PIGZ: variants seen among roughly 807,000 people sequenced by gnomAD.
PIGZ encodes phosphatidylinositol glycan anchor biosynthesis class Z (Gwada blood group).
Under a neutral mutation model 16.4 loss-of-function variants are expected in PIGZ, and 16 were observed. The ratio of observed to expected loss-of-function variants is 0.97; its 90% CI spans 0.66 to 1.48. The LOEUF (loss-of-function observed/expected upper bound fraction) is 1.48, where lower values mean the gene tolerates loss of function less well. PIGZ is among the 40% of genes most tolerant of loss of function. The pLI, the probability that PIGZ is intolerant of heterozygous loss-of-function variation, is 0.00. For synonymous variants in PIGZ, 409 were observed against 338.4 expected (o/e 1.21, Z -2.29); for missense variants, 770 against 739.2 (o/e 1.04, Z -0.48).
Position 196,955,874 on chromosome 3 carries a change from C to T in PIGZ, c.1-3843G>A, listed in dbSNP as rs372994513. On this transcript the variant is annotated intron_variant, in intron 1 of 2. Transcript: ENST00000412723. Reference sequence around the variant, plus strand: ...GATTACAGATGTCAGCCACTGCGCCCGGCCAATTTAGGGTTATTATTGATA... The same window carrying T: ...GATTACAGATGTCAGCCACTGCGCCTGGCCAATTTAGGGTTATTATTGATA... 3.6e-4 allele frequency among the ~76,000 whole-genome samples: 55 copies of T among 152,026 alleles called. 1 individual carries two copies. In the East Asian group the frequency reaches 4.1e-3, roughly 11 times the overall value.
chr3:196,947,891 C>A lies in PIGZ; in HGVS notation c.1006G>T (p.Ala336Ser), dbSNP rs1221620245. Residue 336 changes from alanine (A) to serine (S), a missense_variant, in exon 3 of 3, where the codon GCT becomes TCT. Transcript: ENST00000412723. ...CCGACTTGCAGCCGTTGCCACGCAG[C>A]CTGCAGGGCCTGGGCATGCAGCACC... ...FGVLHAQALQAAWQRLQVGLQ... is the reference protein window; with the variant it reads ...FGVLHAQALQSAWQRLQVGLQ... 6.2e-7 allele frequency: 1 copy of A among 1,613,852 alleles called. No individual in the cohort carries two copies. Among genetic ancestry groups the A allele is most frequent in the Non-Finnish European group, 8.5e-7 (1 of 1,179,924 alleles).
In PIGZ at chr3:196,957,601, C is replaced by G. The variant is rs562232630; in HGVS notation, c.1-5570G>C. Among the ~76,000 whole-genome samples, 221 of 152,128 alleles carry G rather than the reference C, an allele frequency of 1.5e-3. 8 individuals carry two copies. The highest frequency in any genetic ancestry group is 3.7e-4 in the Non-Finnish European group (25 of 67,986). On this transcript the variant is annotated intron_variant, in intron 1 of 2. Coordinates refer to ENST00000412723, the MANE Select transcript of PIGZ (RefSeq NM_025163.4). The stretch of plus-strand genomic sequence containing the variant: ...TTCATCATGTTGGCCAGGCTGGTCT[C>G]GAACTCCTGACCTCGTGATCCGCCG...
At position 196,948,938 on chromosome 3, in the gene PIGZ, C is replaced by T. The variant is rs13063006; in HGVS notation, c.212-253G>A. ...CCCTTCCCTTCCTTCCCTTTACTTC[C>T]CTTCCTTCCCCTCCCCTCCCTTCCT... On this transcript the variant is annotated intron_variant, in intron 2 of 2. Coordinates refer to ENST00000412723, the MANE Select transcript of PIGZ (RefSeq NM_025163.4). Among the ~76,000 whole-genome samples, 43 of 10,216 alleles carry T rather than the reference C, an allele frequency of 4.2e-3. 5 individuals are homozygous for T. Among genetic ancestry groups the T allele is most frequent in the African/African-American group, 0.011 (11 of 978 alleles). 6.7% of individuals were successfully genotyped at this position (10,216 alleles called of 152,430 possible). A position where few individuals can be genotyped will look rare whatever the true frequency, so the allele number is the denominator to read the frequency against.
intron 1 of PIGZ, among the ~76,000 whole-genome samples, chr3:196,959,162 A>G (rs2108913108): frequency 6.6e-6 from 1 of 152,310 alleles, no homozygotes; most frequent in East Asian, 1.9e-4. Flanking sequence ...GGCCTTCGAT[A>G]GCATGGCTCT....
intron 1 of PIGZ, among the ~76,000 whole-genome samples, 155 bp downstream of exon 1, chr3:196,968,532 T>G (rs1218092179): frequency 6.6e-6 from 1 of 152,198 alleles, no homozygotes; most frequent in African/African-American, 2.4e-5. Context: ...CCTGCGAGAA[T>G]GCGGGGGGCG....
chr3:196,949,457 T>C (rs1284514017), intron 2 of PIGZ, among the ~76,000 whole-genome samples: 1 of 152,186 alleles, frequency 6.6e-6, no homozygotes, highest in East Asian at 1.9e-4. Context: ...GGGTGGCCTC[T>C]GAAAGCTAAG....
chr3:196,968,237 C>T (rs765749638), intron 1 of PIGZ, among the ~76,000 whole-genome samples: 1 of 152,202 alleles, frequency 6.6e-6, no homozygotes, highest in African/African-American at 2.4e-5. Flanking sequence ...TTCTCGGCTT[C>T]GTGCTCAGAG....
At chr3:196,953,898 C>A (rs565153756) in intron 1 of PIGZ, among the ~76,000 whole-genome samples, 2 of 147,902 alleles carry the variant, frequency 1.4e-5, no homozygotes, top group African/African-American at 2.6e-5. Context: ...GAGGCTGAGA[C>A]AAGAGGATCA....
intron 1 of PIGZ, among the ~76,000 whole-genome samples, chr3:196,957,612 C>T (rs547672497): frequency 6.6e-6 from 1 of 152,258 alleles, no homozygotes; most frequent in Admixed American, 6.5e-5. Context: ...GAACTCCTGA[C>T]CTCGTGATCC....
intron 1 of PIGZ, among the ~76,000 whole-genome samples, chr3:196,967,579 G>C (rs974050973): frequency 6.6e-5 from 10 of 152,138 alleles, no homozygotes; most frequent in Non-Finnish European, 8.8e-5. Flanking sequence ...TCCAGTCCTC[G>C]GGGTCTACTC....
intron 1 of PIGZ, among the ~76,000 whole-genome samples, chr3:196,958,562 C>T (rs1476918742): frequency 2.0e-5 from 3 of 152,168 alleles, no homozygotes; most frequent in African/African-American, 4.8e-5. Context: ...ACCTGGGAGG[C>T]GGAGTTTGCA....
rs529096025 is a variant in PIGZ, at chr3:196,964,506, C to T, written c.-1+4181G>A. Among the ~76,000 whole-genome samples the T allele has an allele frequency of 7.4e-4, 112 of 152,144 alleles. 1 individual carries two copies. The South Asian group carries it at 8.3e-3, about 11-fold the overall frequency. The stretch of plus-strand genomic sequence containing the variant: ...CTAAGTAGCTGGGACTACAGGCACG[C>T]ATCACCACGCCTGGCTAATTTTTGT... On this transcript the variant is annotated intron_variant, in intron 1 of 2. Transcript: ENST00000412723.
In PIGZ at chr3:196,965,478, A is replaced by G. The variant is rs1385720931; in HGVS notation, c.-1+3209T>C. 6.6e-6 allele frequency among the ~76,000 whole-genome samples: 1 copy of G among 152,200 alleles called. No individual in the cohort carries two copies. The highest frequency in any genetic ancestry group is 1.9e-4 in the East Asian group (1 of 5,192). ...AAGATGAGATTGGGGCGGGGACACA[A>G]AAGCCTAACCATGTCATACCATTTG... is the stretch of plus-strand genomic sequence containing the variant. On this transcript the variant is annotated intron_variant, in intron 1 of 2. Coordinates refer to ENST00000412723, the MANE Select transcript of PIGZ (RefSeq NM_025163.4). The surrounding 1 kb of genome is among the most constrained non-coding windows in gnomAD (Gnocchi z 4.2).
Position 196,947,098 on chromosome 3 carries a change from G to A in PIGZ, c.*59C>T, listed in dbSNP as rs1341819251. 4 of 1,465,544 alleles carry A rather than the reference G, an allele frequency of 2.7e-6. No homozygotes were observed. Among genetic ancestry groups the A allele is most frequent in the Admixed American group, 2.3e-5 (1 of 43,866 alleles). 90.8% of individuals were successfully genotyped at this position (1,465,544 alleles called of 1,614,324 possible). On this transcript the variant is annotated 3_prime_UTR_variant, in exon 3 of 3. Coordinates refer to ENST00000412723, the MANE Select transcript of PIGZ (RefSeq NM_025163.4). ...GCGTCCCAGCCCAGCTACCCAAGTAGAAGGTGGGGCGGCATCTTCTATGGC... is the reference window on the plus strand; with the variant it reads ...GCGTCCCAGCCCAGCTACCCAAGTAAAAGGTGGGGCGGCATCTTCTATGGC...
At position 196,951,782 on chromosome 3, in the gene PIGZ, CT is replaced by C. The variant is rs775108274; in HGVS notation, c.211+38del. 3 of 1,605,114 alleles carry C rather than the reference CT, an allele frequency of 1.9e-6. No homozygotes were observed. The African/African-American group carries it at 4.0e-5, about 21-fold the overall frequency. On this transcript the variant is annotated intron_variant, in intron 2 of 2. Coordinates refer to ENST00000412723, the MANE Select transcript of PIGZ (RefSeq NM_025163.4). ...CTCCCGTCAGCTTCTCAAGCAGACT[CT>C]GCTGCAGCTTGTCTCAGCCACACAT...
Position 196,948,481 on chromosome 3 carries a change from G to A in PIGZ, c.416C>T (p.Ala139Val). 3 of 1,613,830 alleles carry A rather than the reference G, an allele frequency of 1.9e-6. No homozygotes were observed. Among genetic ancestry groups the A allele is most frequent in the African/African-American group, 1.3e-5 (1 of 75,052 alleles). The change falls in exon 3 of 3, where the codon GCT becomes GTT. Residue 139 changes from alanine (A) to valine (V), a missense_variant. Coordinates refer to ENST00000412723, the MANE Select transcript of PIGZ (RefSeq NM_025163.4). Reference sequence around the variant, plus strand: ...CAGGTGGTACACGGCCCCGTCCAGAGCAAAGGAAAGGGCAGTGAGGAGGAG... The same window carrying A: ...CAGGTGGTACACGGCCCCGTCCAGAACAAAGGAAAGGGCAGTGAGGAGGAG... ...PRLLLTALSFALDGAVYHLAP... is the reference protein window; with the variant it reads ...PRLLLTALSFVLDGAVYHLAP...
At chr3:196,953,890 G>A (rs1169699832) in intron 1 of PIGZ, among the ~76,000 whole-genome samples, 2 of 151,658 alleles carry the variant, frequency 1.3e-5, no homozygotes, top group Non-Finnish European at 2.9e-5. Flanking sequence ...CTATTCAGGA[G>A]GCTGAGACAA....
chr3:196,966,564 G>A (rs1717933873), intron 1 of PIGZ, among the ~76,000 whole-genome samples: 1 of 152,206 alleles, frequency 6.6e-6, no homozygotes, highest in Admixed American at 6.5e-5. Context: ...GGGCCCACTG[G>A]GGCCCATCTG....
intron 2 of PIGZ, 142 bp downstream of exon 2, chr3:196,951,679 C>T (rs1717287861): frequency 1.3e-6 from 1 of 780,456 alleles, no homozygotes; most frequent in Admixed American, 2.2e-5. Flanking sequence ...AAGTTCTTAC[C>T]CCAGAGAGAG....
Sources: allele counts gnomAD v4.1 joint callset (sites outside exome capture counted in the v4.1 genomes callset), GRCh38; gene constraint gnomAD v4.1.1; non-coding constraint Gnocchi (gnomAD v3.1); transcripts MANE v1.5; gene names NCBI Gene and HGNC (gene_info 2026-07-23, HGNC 2026-07-21).